FANCA: variants seen among roughly 807,000 people sequenced by gnomAD.
FANCA encodes the protein Fanconi anemia group A protein.
Under a neutral mutation model 194.3 loss-of-function variants are expected in FANCA, and 236 were observed. That is an observed-to-expected ratio of 1.21 (90% CI 1.09 to 1.35). The LOEUF (loss-of-function observed/expected upper bound fraction) is 1.35. Among genes scored for constraint, FANCA ranks in the 40% most tolerant of loss-of-function variants. The pLI, the probability that FANCA is intolerant of heterozygous loss-of-function variation, is 0.00. For synonymous variants in FANCA, 1,014 were observed against 715.8 expected (o/e 1.42, Z -6.65); for missense variants, 2,628 against 1,813.9 (o/e 1.45, Z -8.15).
At chr16:89,793,668 C>A (rs112344597) in intron 11 of FANCA, among the ~76,000 whole-genome samples, 8 of 152,262 alleles carry the variant, frequency 5.3e-5, no homozygotes, top group Admixed American at 2.6e-4. Flanking sequence ...ACAGCCTCGA[C>A]CTCCCTGGCT....
chr16:89,774,238 G>A (rs935488948), intron 21 of FANCA, among the ~76,000 whole-genome samples: 5 of 152,190 alleles, frequency 3.3e-5, no homozygotes, highest in Admixed American at 1.3e-4. Context: ...GGCTCTAGGA[G>A]TCTGTGCATA....
At position 89,782,897 on chromosome 16, in the gene FANCA, G is replaced by C. The variant is rs1567628801; in HGVS notation, c.1588C>G (p.Leu530Val). Reference protein sequence around the residue: ...DLKVSIENMGLYEDLSSAGDI... With the variant: ...DLKVSIENMGVYEDLSSAGDI... ...CCAGCTGATGACAAATCCTCGTAGA[G>C]TCCCATGTTTTCTATAGAAACCTTC... Residue 530 changes from leucine (L) to valine (V), a missense_variant, in exon 17 of 43, where the codon CTC (leucine) becomes GTC (valine). By Grantham distance (32) the Leu-to-Val change is conservative. Coordinates refer to ENST00000389301, the MANE Select transcript of FANCA (RefSeq NM_000135.4). 1.9e-6 allele frequency: 3 copies of C among 1,614,094 alleles called. No homozygotes were observed. Among genetic ancestry groups the C allele is most frequent in the Non-Finnish European group, 1.7e-6 (2 of 1,179,932 alleles).
At chr16:89,744,366 G>A (rs17227249) in intron 36 of FANCA, among the ~76,000 whole-genome samples, 3,210 of 152,294 alleles carry the variant, frequency 0.021, 96 homozygotes, top group African/African-American at 0.067. Flanking sequence ...TTCAGCAGGT[G>A]GAGTGGCTGT....
At chr16:89,810,584 C>G (rs1365974243) in intron 5 of FANCA, 123 bp downstream of exon 5, 2 of 767,178 alleles carry the variant, frequency 2.6e-6, no homozygotes, top group Non-Finnish European at 4.7e-6. Context: ...TTCATCCACT[C>G]TCTGTAATTA....
intron 36 of FANCA, among the ~76,000 whole-genome samples, chr16:89,744,002 A>C (rs1013184862): frequency 1.1e-4 from 16 of 151,820 alleles, no homozygotes; most frequent in Non-Finnish European, 1.6e-4. Context: ...GGTTCAAGCA[A>C]TTCTCCTGCC....
chr16:89,744,993 G>T lies in FANCA; in HGVS notation c.3592C>A (p.Gln1198Lys). ...HCQSPLPREL[Q>K]KLQEGRQFAS... The stretch of plus-strand genomic sequence containing the variant: ...AACTGCCGGCCTTCTTGTAGCTTCT[G>T]CAGTTCCCGGGGCAGCGGGCTCTGG... Residue 1198 changes from glutamine to lysine, a missense_variant, in exon 36 of 43, where the codon CAG becomes AAG. Gln to Lys is a moderately conservative substitution (Grantham distance 53). Transcript: ENST00000389301. The T allele has an allele frequency of 6.2e-7, 1 of 1,611,672 alleles. No homozygotes were observed. Among genetic ancestry groups the T allele is most frequent in the Non-Finnish European group, 8.5e-7 (1 of 1,179,890 alleles).
chr16:89,787,443 A>G (rs1163975427), intron 14 of FANCA, among the ~76,000 whole-genome samples: 4 of 152,112 alleles, frequency 2.6e-5, no homozygotes, highest in Non-Finnish European at 4.4e-5. Context: ...GAATGGCGTG[A>G]ACCCGGGAGG....
chr16:89,746,165 C>G (rs910523918), intron 35 of FANCA, among the ~76,000 whole-genome samples: 1 of 152,182 alleles, frequency 6.6e-6, no homozygotes, highest in African/African-American at 2.4e-5. Flanking sequence ...AGTCTCTGCT[C>G]CGAAGTCCCA....
chr16:89,753,929 C>G (rs1011891170), intron 30 of FANCA, among the ~76,000 whole-genome samples: 2 of 152,204 alleles, frequency 1.3e-5, no homozygotes, highest in African/African-American at 2.4e-5. Context: ...TTAGCGGACG[C>G]CAGTAATCCC....
chr16:89,787,007 C>T (rs1035933860), intron 14 of FANCA, among the ~76,000 whole-genome samples: 1 of 152,212 alleles, frequency 6.6e-6, no homozygotes, highest in Non-Finnish European at 1.5e-5. Flanking sequence ...CAGGAACAGT[C>T]CAGACCCGTC....
intron 27 of FANCA, among the ~76,000 whole-genome samples, chr16:89,766,066 G>C (rs1014842107): frequency 6.6e-6 from 1 of 151,114 alleles, no homozygotes; most frequent in African/African-American, 2.4e-5. Flanking sequence ...GTGCAGTCTC[G>C]GCTCACTGCA....
intron 28 of FANCA, 174 bp downstream of exon 28, chr16:89,764,716 G>T (rs898128882): frequency 7.7e-6 from 6 of 781,198 alleles, no homozygotes; most frequent in African/African-American, 3.4e-5. Flanking sequence ...GTCGGCACAC[G>T]CACCCTAGAC....
intron 27 of FANCA, among the ~76,000 whole-genome samples, chr16:89,766,279 G>A (rs1447415164): frequency 6.6e-6 from 1 of 151,938 alleles, no homozygotes; most frequent in African/African-American, 2.4e-5. Flanking sequence ...ACAGGCATGA[G>A]CCACCACGCC....
chr16:89,743,814 ACT>A (rs1182578767), intron 36 of FANCA, among the ~76,000 whole-genome samples: 2 of 152,128 alleles, frequency 1.3e-5, no homozygotes, highest in Admixed American at 6.5e-5. Context: ...CAAGAGTGAA[ACT>A]CTGTCTCAAA....
chr16:89,763,901 C>CAGCGAGACGTTGTCTCAAAAAATATAT, intron 28 of FANCA, among the ~76,000 whole-genome samples: 1 of 145,958 alleles, frequency 6.9e-6, no homozygotes, highest in East Asian at 2.1e-4. Flanking sequence ...CCACTGTGCC[C>CAGCGAGACGTTGTCTCAAAAAATATAT]CAGAGTAAGA....
intron 20 of FANCA, among the ~76,000 whole-genome samples, chr16:89,776,035 C>G (rs1229676440): frequency 6.6e-6 from 1 of 151,390 alleles, no homozygotes; most frequent in Non-Finnish European, 1.5e-5. Flanking sequence ...ATATTAATAT[C>G]TAAGGAGCTA....
chr16:89,812,887 G>C (rs936946992), intron 3 of FANCA, among the ~76,000 whole-genome samples: 10 of 151,482 alleles, frequency 6.6e-5, no homozygotes, highest in East Asian at 3.9e-4. Flanking sequence ...ACAAAAATTA[G>C]CTGGGTGCGG....
At chr16:89,771,413 T>C (rs2039321433) in intron 23 of FANCA, among the ~76,000 whole-genome samples, 1 of 151,264 alleles carries the variant, frequency 6.6e-6, no homozygotes, top group Non-Finnish European at 1.5e-5. Context: ...GAGCCATGAT[T>C]GCACCACTGC....
chr16:89,755,927 A>C (rs373236703), intron 30 of FANCA, among the ~76,000 whole-genome samples: 2 of 149,924 alleles, frequency 1.3e-5, no homozygotes, highest in Admixed American at 1.3e-4. Context: ...ACCGCGCAGA[A>C]ACAGACCAGA....
Sources: gnomAD v4.1 joint callset for allele counts (sites outside exome capture counted in the v4.1 genomes callset) on GRCh38, gnomAD v4.1.1 for gene constraint, MANE v1.5 for transcripts, NCBI Gene and HGNC (gene_info 2026-07-23, HGNC 2026-07-21) for gene names.